The following ADGRF5 variants were observed in gnomAD, a reference collection of about 807,000 sequenced individuals.
ADGRF5 encodes G-protein coupled receptor 116.
Under a neutral mutation model 132.3 loss-of-function variants are expected in ADGRF5, and 75 were observed. That is an observed-to-expected ratio of 0.57 (90% CI 0.47 to 0.69). ADGRF5 has a LOEUF of 0.69. ADGRF5 is among the 30% of genes least tolerant of loss of function. The pLI is 0.00. For missense variants in ADGRF5, 1,516 were observed against 1,630.6 expected (o/e 0.93, Z 1.21); for synonymous variants, 629 against 597.6 (o/e 1.05, Z -0.77).
intron 1 of ADGRF5, among the ~76,000 whole-genome samples, chr6:46,953,595 C>T (rs545900495): frequency 2.3e-5 from 3 of 132,386 alleles, no homozygotes; most frequent in Non-Finnish European, 3.1e-5. Flanking sequence ...CCAGGCTGGG[C>T]GACAGAGTGA....
At position 46,867,068 on chromosome 6, in the gene ADGRF5, G is replaced by C. The variant is rs149143085; in HGVS notation, c.1691C>G (p.Pro564Arg). 25 of 1,613,104 alleles carry C rather than the reference G, an allele frequency of 1.5e-5. No homozygotes were observed. The African/African-American group carries it at 3.2e-4, about 21-fold the overall frequency. Residue 564 changes from proline to arginine, a missense_variant, in exon 13 of 21, where the codon CCG becomes CGG. Transcript: ENST00000283296. The stretch of plus-strand genomic sequence containing the variant: ...CATGATGTTCAGCTTTAGAGGCAGC[G>C]GGTGAACAATGACGTCTTTGGTTGC... ...SIATKDVIVH[P>R]LPLKLNIMVD...
At chr6:46,939,667 TTG>T (rs1323348829) in intron 1 of ADGRF5, among the ~76,000 whole-genome samples, 1 of 152,210 alleles carries the variant, frequency 6.6e-6, no homozygotes, top group Non-Finnish European at 1.5e-5. Context: ...TGAATTTTGT[TTG>T]TGAGGACATG....
intron 1 of ADGRF5, among the ~76,000 whole-genome samples, chr6:46,942,933 A>T (rs984714997): frequency 6.6e-6 from 1 of 152,188 alleles, no homozygotes; most frequent in Admixed American, 6.5e-5. Context: ...TATTGGGTTT[A>T]AAAATGGACC....
At chr6:46,933,514 G>A (rs1156636774) in intron 1 of ADGRF5, among the ~76,000 whole-genome samples, 1 of 152,188 alleles carries the variant, frequency 6.6e-6, no homozygotes, top group Non-Finnish European at 1.5e-5. Context: ...GGCAAACCCA[G>A]AGAGATGGAC....
chr6:46,878,172 T>C, intron 10 of ADGRF5, 30 bp downstream of exon 10: 1 of 1,486,572 alleles, frequency 6.7e-7, no homozygotes, highest in South Asian at 1.1e-5. Context: ...CAAAAACCTA[T>C]TTGCAAAAGG....
chr6:46,865,087 T>C lies in ADGRF5; in HGVS notation c.1945A>G (p.Asn649Asp). 6.2e-7 allele frequency: 1 copy of C among 1,610,766 alleles called. No homozygotes were observed. Among genetic ancestry groups the C allele is most frequent in the Non-Finnish European group, 8.5e-7 (1 of 1,177,054 alleles). ...DVCCHFTNAA[N>D]NSVWSPSMKL... is the part of the protein sequence containing the mutation. Reference sequence around the variant, plus strand: ...ATAGATGGGCTCCAGACTGAATTATTAGCAGCATTGGTAAAGTGACAACAC... The same window carrying C: ...ATAGATGGGCTCCAGACTGAATTATCAGCAGCATTGGTAAAGTGACAACAC... The change falls in exon 14 of 21, where the codon AAT becomes GAT. Residue 649 changes from asparagine (N) to aspartate (D), a missense_variant. Asn to Asp is a conservative substitution (Grantham distance 23). Transcript: ENST00000283296.
At chr6:46,924,389 A>G (rs1355284421), upstream of ADGRF5, among the ~76,000 whole-genome samples, 3 of 152,236 alleles carry the variant, frequency 2.0e-5, no homozygotes, top group Non-Finnish European at 4.4e-5. Flanking sequence ...CTCGTATTAC[A>G]GTGCTGGTAT....
chr6:46,947,615 T>C (rs1392398229), intron 1 of ADGRF5, among the ~76,000 whole-genome samples: 1 of 152,240 alleles, frequency 6.6e-6, no homozygotes, highest in African/African-American at 2.4e-5. Context: ...TCCAACTTGT[T>C]CTTTGAGGAG....
chr6:46,854,882 A>G (rs1487156408), intron 20 of ADGRF5: 1 of 446,866 alleles, frequency 2.2e-6, no homozygotes, highest in Admixed American at 3.3e-5. Context: ...TTCATAAGTA[A>G]TTCATCAAAT....
intron 2 of ADGRF5, among the ~76,000 whole-genome samples, chr6:46,901,494 C>T (rs1215132642): frequency 6.6e-6 from 1 of 152,208 alleles, no homozygotes; most frequent in African/African-American, 2.4e-5. Context: ...CTCACATCAT[C>T]ACAATGACAA....
chr6:46,952,779 C>A (rs1180045927), intron 1 of ADGRF5, among the ~76,000 whole-genome samples: 5 of 152,128 alleles, frequency 3.3e-5, no homozygotes, highest in Admixed American at 3.3e-4. Context: ...TGGGTTTAGA[C>A]ATAGAAGACC....
chr6:46,918,137 C>G (rs1436569189), intron 1 of ADGRF5, among the ~76,000 whole-genome samples: 1 of 152,190 alleles, frequency 6.6e-6, no homozygotes, highest in South Asian at 2.1e-4. Flanking sequence ...CCATCATGAC[C>G]AGAGTCACAC....
At chr6:46,909,923 C>T (rs1356606945) in intron 1 of ADGRF5, among the ~76,000 whole-genome samples, 1 of 151,918 alleles carries the variant, frequency 6.6e-6, no homozygotes, top group Admixed American at 6.6e-5. Context: ...TGGCTTGAGT[C>T]CATGAGCCCT....
intron 1 of ADGRF5, among the ~76,000 whole-genome samples, chr6:46,933,193 T>C (rs1777649765): frequency 6.6e-6 from 1 of 152,208 alleles, no homozygotes; most frequent in African/African-American, 2.4e-5. Flanking sequence ...TTAGGGGAAC[T>C]AAATATTAAC....
At position 46,881,442 on chromosome 6, in the gene ADGRF5, C is replaced by T; in HGVS notation, c.814+13G>A. 1 of 1,608,490 alleles carries T rather than the reference C, an allele frequency of 6.2e-7. No individual in the cohort carries two copies. Reference sequence around the variant, plus strand: ...CATAAATAACATGACCATATCTAAACAATTTCACTTACTGATAGTAACTGC... The same window carrying T: ...CATAAATAACATGACCATATCTAAATAATTTCACTTACTGATAGTAACTGC... On this transcript the variant is annotated intron_variant, in intron 8 of 20. Coordinates refer to ENST00000283296, the MANE Select transcript of ADGRF5 (RefSeq NM_001098518.2).
chr6:46,941,649 GTT>G (rs35605004), intron 1 of ADGRF5, among the ~76,000 whole-genome samples: 2 of 142,660 alleles, frequency 1.4e-5, no homozygotes, highest in Admixed American at 7.0e-5. Flanking sequence ...ATAGAGCATG[GTT>G]TTTTTTTTTT....
chr6:46,911,454 A>G (rs1380134165), intron 1 of ADGRF5, among the ~76,000 whole-genome samples: 1 of 152,168 alleles, frequency 6.6e-6, no homozygotes, highest in Non-Finnish European at 1.5e-5. Context: ...GGCGAAACCA[A>G]AATAACCCTA....
chr6:46,895,063 G>C (rs1293000813), intron 3 of ADGRF5, among the ~76,000 whole-genome samples: 1 of 152,026 alleles, frequency 6.6e-6, no homozygotes, highest in Non-Finnish European at 1.5e-5. Flanking sequence ...TGTAATTCCA[G>C]CTACTTGGGA....
intron 10 of ADGRF5, among the ~76,000 whole-genome samples, chr6:46,872,968 G>A (rs908269635): frequency 2.6e-5 from 4 of 152,212 alleles, no homozygotes; most frequent in African/African-American, 7.2e-5. Context: ...CCCCAGAAAG[G>A]TTGTTTGAAA....
Sources: gnomAD v4.1 joint callset for allele counts (sites outside exome capture counted in the v4.1 genomes callset) on GRCh38, gnomAD v4.1.1 for gene constraint, MANE v1.5 for transcripts, NCBI Gene and HGNC (gene_info 2026-07-23, HGNC 2026-07-21) for gene names.